CADPS2: variants seen among roughly 807,000 people sequenced by gnomAD.
CADPS2 encodes calcium-dependent secretion activator 2.
Under a neutral mutation model 172.5 loss-of-function variants are expected in CADPS2, and 93 were observed. That is an observed-to-expected ratio of 0.54 (90% CI 0.46 to 0.64). CADPS2 has a LOEUF of 0.64. Ranked by LOEUF, CADPS2 falls within the 30% of genes least tolerant of loss-of-function variation. The pLI is 0.00. For missense variants in CADPS2, 1,420 were observed against 1,565.9 expected (o/e 0.91, Z 1.57); for synonymous variants, 546 against 555.2 (o/e 0.98, Z 0.23).
chr7:122,535,966 A>C (rs2062224474), intron 8 of CADPS2, among the ~76,000 whole-genome samples: 1 of 152,104 alleles, frequency 6.6e-6, no homozygotes, highest in Admixed American at 6.6e-5. Flanking sequence ...AACTGAACTA[A>C]GTGGCTGCTG....
chr7:122,801,507 A>T lies in CADPS2; in HGVS notation c.340-64439T>A, dbSNP rs143010788. The stretch of plus-strand genomic sequence containing the variant: ...GTATTCAAGGTCCTTCATTTAATAA[A>T]AAATATCTAGCACAAATCACCACAT... On this transcript the variant is annotated intron_variant, in intron 1 of 29. Coordinates refer to ENST00000449022, the MANE Select transcript of CADPS2 (RefSeq NM_017954.11). Among the ~76,000 whole-genome samples, 14 of 152,332 alleles carry T rather than the reference A, an allele frequency of 9.2e-5. No homozygotes were observed. The East Asian group carries it at 2.3e-3, about 25-fold the overall frequency.
chr7:122,880,250 C>T lies in CADPS2; in HGVS notation c.339+5749G>A, dbSNP rs565938484. Reference sequence around the variant, plus strand: ...AACACTCACACTTACCCTAAGCATTCAATATATACTTTCTGTTGCTAATGT... The same window carrying T: ...AACACTCACACTTACCCTAAGCATTTAATATATACTTTCTGTTGCTAATGT... On this transcript the variant is annotated intron_variant, in intron 1 of 29. Transcript: ENST00000449022. Among the ~76,000 whole-genome samples, 96 of 152,212 alleles carry T rather than the reference C, an allele frequency of 6.3e-4. 1 individual carries two copies. The highest frequency in any genetic ancestry group is 2.3e-3 in the African/African-American group (96 of 41,518).
At chr7:122,835,031 C>G (rs1429773638) in intron 1 of CADPS2, among the ~76,000 whole-genome samples, 1 of 152,194 alleles carries the variant, frequency 6.6e-6, no homozygotes. Context: ...GGGAGGCACC[C>G]CCCAGGAGGG....
At chr7:122,657,477 T>C (rs1386074407) in intron 3 of CADPS2, among the ~76,000 whole-genome samples, 1 of 152,202 alleles carries the variant, frequency 6.6e-6, no homozygotes, top group Non-Finnish European at 1.5e-5. Flanking sequence ...GTCCTCTTTT[T>C]ATTTCGTTGA....
At chr7:122,617,594 A>G (rs2075068406) in intron 5 of CADPS2, among the ~76,000 whole-genome samples, 1 of 152,192 alleles carries the variant, frequency 6.6e-6, no homozygotes, top group African/African-American at 2.4e-5. Context: ...TTCCAAGTGA[A>G]ACACTGACCA....
intron 19 of CADPS2, chr7:122,412,957 A>G (rs1008881839): frequency 6.6e-6 from 1 of 152,254 alleles, no homozygotes; most frequent in African/African-American, 2.4e-5. Context: ...AGCAGAACTA[A>G]GGCAGGACAA....
At chr7:122,542,421 T>C (rs1045533668) in intron 8 of CADPS2, among the ~76,000 whole-genome samples, 4 of 152,188 alleles carry the variant, frequency 2.6e-5, no homozygotes, top group Non-Finnish European at 5.9e-5. Context: ...AAACAACACA[T>C]GGTTTTCTAT....
chr7:122,325,226 A>G (rs1585016135), intron 29 of CADPS2, among the ~76,000 whole-genome samples: 1 of 152,134 alleles, frequency 6.6e-6, no homozygotes, highest in East Asian at 1.9e-4. Flanking sequence ...CCTTCAGGTA[A>G]CTGTGCTGGG....
At chr7:122,321,391 C>T (rs1426442505) in intron 29 of CADPS2, among the ~76,000 whole-genome samples, 12 of 152,358 alleles carry the variant, frequency 7.9e-5, no homozygotes, top group African/African-American at 2.6e-4. Flanking sequence ...TTGTCTTGAA[C>T]CCCTGGCCTC....
chr7:122,498,379 A>G (rs2058925501), intron 9 of CADPS2, among the ~76,000 whole-genome samples: 1 of 152,178 alleles, frequency 6.6e-6, no homozygotes, highest in Non-Finnish European at 1.5e-5. Flanking sequence ...CTGATAATTC[A>G]TGACTATATC....
intron 6 of CADPS2, among the ~76,000 whole-genome samples, chr7:122,594,325 C>T (rs2071398306): frequency 6.6e-6 from 1 of 151,752 alleles, no homozygotes; most frequent in African/African-American, 2.4e-5. Context: ...ACATCTTGCA[C>T]TTTAAGGCAG....
intron 27 of CADPS2, among the ~76,000 whole-genome samples, chr7:122,347,055 T>C (rs889469733): frequency 1.3e-5 from 2 of 152,220 alleles, no homozygotes. Context: ...TAGGTAGAAC[T>C]GATGCCCAAA....
At chr7:122,381,180 TGCG>T (rs1173243758) in intron 24 of CADPS2, among the ~76,000 whole-genome samples, 1 of 152,108 alleles carries the variant, frequency 6.6e-6, no homozygotes, top group African/African-American at 2.4e-5. Context: ...CAGCTGACTG[TGCG>T]ATGGAGAAGC....
chr7:122,511,814 A>G (rs368800593), intron 9 of CADPS2, among the ~76,000 whole-genome samples: 35 of 152,322 alleles, frequency 2.3e-4, no homozygotes, highest in African/African-American at 7.7e-4. Flanking sequence ...AAATATATCC[A>G]TAAGATATAA....
chr7:122,349,234 T>G, intron 27 of CADPS2, among the ~76,000 whole-genome samples: 1 of 152,276 alleles, frequency 6.6e-6, no homozygotes, highest in Middle Eastern at 3.4e-3. Context: ...AGATTAGTTT[T>G]TATTAAGAAT....
chr7:122,655,496 A>G lies in CADPS2; in HGVS notation c.786+7741T>C, dbSNP rs187564365. ...ATGCTTGGTAGCATTTTTTAAAACA[A>G]GAAAGTATTTTTAAATTAAGATACA... On this transcript the variant is annotated intron_variant, in intron 3 of 29. Coordinates refer to ENST00000449022, the MANE Select transcript of CADPS2 (RefSeq NM_017954.11). Among the ~76,000 whole-genome samples the G allele has an allele frequency of 3.8e-3, 583 of 152,314 alleles. 2 individuals are homozygous for G. The highest frequency in any genetic ancestry group is 8.8e-3 in the Admixed American group (134 of 15,282).
intron 1 of CADPS2, among the ~76,000 whole-genome samples, chr7:122,740,665 G>A (rs1191069619): frequency 6.6e-6 from 1 of 151,876 alleles, no homozygotes; most frequent in Non-Finnish European, 1.5e-5. Context: ...ATACTGAAAT[G>A]TCATCAATTT....
chr7:122,654,579 A>G (rs944381955), intron 3 of CADPS2, among the ~76,000 whole-genome samples: 2 of 152,220 alleles, frequency 1.3e-5, no homozygotes, highest in Admixed American at 6.5e-5. Context: ...CCAGCATGGT[A>G]TACTGAATAT....
chr7:122,763,200 G>A (rs2093445562), intron 1 of CADPS2, among the ~76,000 whole-genome samples: 1 of 152,232 alleles, frequency 6.6e-6, no homozygotes, highest in South Asian at 2.1e-4. Flanking sequence ...TAATCATATT[G>A]CATAGCAACT....
Sources: gnomAD v4.1 joint callset for allele counts (sites outside exome capture counted in the v4.1 genomes callset) on GRCh38, gnomAD v4.1.1 for gene constraint, MANE v1.5 for transcripts, NCBI Gene and HGNC (gene_info 2026-07-23, HGNC 2026-07-21) for gene names.